Variants in AKAP19 observed in about 807,000 individuals in gnomAD.
The protein encoded by AKAP19 is small A-kinase anchoring protein.
At chr2:190,023,818 T>TATAC in the AKAP19 span, among the ~76,000 whole-genome samples, 1 of 146,490 alleles carries the variant, frequency 6.8e-6, no homozygotes, top group East Asian at 2.0e-4. Flanking sequence ...TATATATATA[T>TATAC]ACATATATAT....
the AKAP19 span, among the ~76,000 whole-genome samples, chr2:189,914,431 C>T: frequency 6.6e-6 from 1 of 151,884 alleles, no homozygotes; most frequent in South Asian, 2.1e-4. Flanking sequence ...TATTTTTCTT[C>T]CCTTGTTCAT....
the AKAP19 span, among the ~76,000 whole-genome samples, chr2:189,889,196 G>T: frequency 1.3e-5 from 2 of 152,068 alleles, no homozygotes; most frequent in Non-Finnish European, 2.9e-5. Flanking sequence ...AGAAAATCAT[G>T]GGTTTTTGTC....
At chr2:190,158,083 T>C in the AKAP19 span, among the ~76,000 whole-genome samples, 5 of 152,338 alleles carry the variant, frequency 3.3e-5, no homozygotes, top group Admixed American at 1.3e-4. Flanking sequence ...TGCCCAGTTC[T>C]GTTTCTCTAT....
the AKAP19 span, among the ~76,000 whole-genome samples, chr2:189,951,914 C>T: frequency 1.3e-5 from 2 of 152,178 alleles, no homozygotes; most frequent in Non-Finnish European, 2.9e-5. Context: ...GAAAAGTGTT[C>T]TTCCTGAACC....
At chr2:190,202,870 A>T in the AKAP19 span, 3 of 167,052 alleles carry the variant, frequency 1.8e-5, no homozygotes, top group Admixed American at 6.5e-5. Context: ...TGCCTTCCCC[A>T]GTTGTCGCTT....
At chr2:190,049,691 C>T in the AKAP19 span, among the ~76,000 whole-genome samples, 51 of 152,206 alleles carry the variant, frequency 3.4e-4, no homozygotes, top group Non-Finnish European at 5.9e-5. Context: ...TACTAAGCTA[C>T]CTATCATTCT....
chr2:190,168,412 A>AC, the AKAP19 span, among the ~76,000 whole-genome samples: 48 of 118,680 alleles, frequency 4.0e-4, 1 homozygote, highest in Admixed American at 1.4e-3. Context: ...TTCCACCCCC[A>AC]CCCCCCCACC....
chr2:190,109,957 A>T, the AKAP19 span, among the ~76,000 whole-genome samples: 2 of 152,200 alleles, frequency 1.3e-5, no homozygotes, highest in African/African-American at 4.8e-5. Context: ...ATCACCTGGA[A>T]TGTTTACAAA....
chr2:190,200,033 T>G, the AKAP19 span: 10 of 1,613,972 alleles, frequency 6.2e-6, no homozygotes, highest in African/African-American at 1.2e-4. Context: ...AATACTGTGA[T>G]CTTGGAATAT....
chr2:190,110,403 A>T, the AKAP19 span, among the ~76,000 whole-genome samples: 7 of 152,326 alleles, frequency 4.6e-5, no homozygotes, highest in East Asian at 1.2e-3. Flanking sequence ...AGGGCCATAC[A>T]AAACAGTGGT....
chr2:189,899,555 C>A, the AKAP19 span, among the ~76,000 whole-genome samples: 2 of 151,482 alleles, frequency 1.3e-5, no homozygotes, highest in East Asian at 1.9e-4. Context: ...CCTTGAGGAT[C>A]TTTGTCAATG....
the AKAP19 span, among the ~76,000 whole-genome samples, chr2:190,061,581 A>G: frequency 2.2e-4 from 34 of 152,138 alleles, no homozygotes; most frequent in African/African-American, 5.8e-4. Context: ...TAAAATGTTT[A>G]TTTCTTAGGC....
the AKAP19 span, among the ~76,000 whole-genome samples, chr2:189,970,280 T>C: frequency 6.6e-6 from 1 of 152,162 alleles, no homozygotes; most frequent in Non-Finnish European, 1.5e-5. Flanking sequence ...CTCACCCAGC[T>C]AAGACATAAA....
chr2:189,982,937 T>C, the AKAP19 span, among the ~76,000 whole-genome samples: 640 of 152,258 alleles, frequency 4.2e-3, 9 homozygotes, highest in African/African-American at 0.015. Flanking sequence ...TAAGCGCCTC[T>C]GATAGCAGGT....
the AKAP19 span, among the ~76,000 whole-genome samples, chr2:189,987,856 C>A: frequency 6.6e-6 from 1 of 152,150 alleles, no homozygotes; most frequent in Non-Finnish European, 1.5e-5. Flanking sequence ...CTAGACAGAG[C>A]AAATTTATCA....
the AKAP19 span, among the ~76,000 whole-genome samples, chr2:189,958,821 C>T: frequency 6.6e-6 from 1 of 152,050 alleles, no homozygotes; most frequent in East Asian, 1.9e-4. Context: ...TGAATCTCAG[C>T]AGTACCATGT....
At chr2:190,050,611 C>T in the AKAP19 span, among the ~76,000 whole-genome samples, 4 of 152,258 alleles carry the variant, frequency 2.6e-5, no homozygotes, top group African/African-American at 9.6e-5. Flanking sequence ...TAAGAAGTTA[C>T]ATTTTTCCAG....
chr2:190,046,236 T>C, the AKAP19 span, among the ~76,000 whole-genome samples: 4 of 152,192 alleles, frequency 2.6e-5, no homozygotes, highest in African/African-American at 9.6e-5. Flanking sequence ...TAGTCAGCCA[T>C]CTTGGCCACT....
the AKAP19 span, among the ~76,000 whole-genome samples, chr2:190,195,556 A>G: frequency 1.3e-5 from 2 of 152,250 alleles, no homozygotes; most frequent in South Asian, 2.1e-4. Context: ...ATATGTAAGA[A>G]GACTTCCGTG....
Sources: allele counts gnomAD v4.1 joint callset (sites outside exome capture counted in the v4.1 genomes callset), GRCh38; gene constraint gnomAD v4.1.1; transcripts MANE v1.5; gene names NCBI Gene and HGNC (gene_info 2026-07-23, HGNC 2026-07-21).